Variants in MUL1 observed in about 807,000 individuals in gnomAD.
The protein encoded by MUL1 is mitochondrial E3 ubiquitin protein ligase 1.
Under a neutral mutation model 34.1 loss-of-function variants are expected in MUL1, and 30 were observed. The observed-to-expected ratio is 0.88, with a 90% CI of 0.66 to 1.19. The LOEUF is 1.19. MUL1 is among the 50% of genes most tolerant of loss of function. The pLI, the probability that MUL1 is intolerant of heterozygous loss-of-function variation, is 0.00. For synonymous variants in MUL1, 191 were observed against 187.8 expected (o/e 1.02, Z -0.14); for missense variants, 419 against 450.5 (o/e 0.93, Z 0.63).
Position 20,503,326 on chromosome 1 carries a change from AATT to A in MUL1, c.121-20_121-18del. 2 of 1,449,308 alleles carry A rather than the reference AATT, an allele frequency of 1.4e-6. No homozygotes were observed. The highest frequency in any genetic ancestry group is 1.9e-6 in the Non-Finnish European group (2 of 1,056,022). The allele number at this position is 1,449,308 out of a possible 1,614,324, so 89.8% of individuals were successfully genotyped here. On this transcript the variant is annotated intron_variant, in intron 1 of 3. Transcript: ENST00000264198. ...TTTAGCTCCCTAAATAAAAAAAAAA[AATT>A]AAATTAATTGGCCATTGAACACTGA...
In MUL1 at chr1:20,501,158, C is replaced by A. The variant is rs11541821; in HGVS notation, c.591G>T (p.Gly197=). ...TGTTGTCCAGGACCAGTTCGCCAAC[C>A]CCTGTGAGGGTGGCCCCCACCTTCA... is the stretch of plus-strand genomic sequence containing the variant. ...EMLKVGATLT[G]VGELVLDNNS... The change falls in exon 4 of 4, where the codon GGG becomes GGT. Residue 197 remains glycine (G), a synonymous_variant. Coordinates refer to ENST00000264198, the MANE Select transcript of MUL1 (RefSeq NM_024544.3). This position sits in a 1 kb window ranked among gnomAD's most constrained non-coding sequence, Gnocchi z 4.2. 3 of 1,614,078 alleles carry A rather than the reference C, an allele frequency of 1.9e-6. No individual in the cohort carries two copies. The highest frequency in any genetic ancestry group is 2.5e-6 in the Non-Finnish European group (3 of 1,179,964).
intron 2 of MUL1, 94 bp from the exon 3 acceptor site, chr1:20,502,283 T>C (rs1557515666): frequency 4.5e-6 from 7 of 1,540,794 alleles, no homozygotes; most frequent in Non-Finnish European, 4.4e-6. Flanking sequence ...GCACAGTAGG[T>C]CACACCTATA....
intron 2 of MUL1, among the ~76,000 whole-genome samples, chr1:20,502,708 A>G (rs1228411072): frequency 6.6e-6 from 1 of 151,994 alleles, no homozygotes; most frequent in Non-Finnish European, 1.5e-5. Flanking sequence ...TAATTTTTGT[A>G]TTTTTAGTAG....
chr1:20,505,221 C>A (rs986736654), intron 1 of MUL1, among the ~76,000 whole-genome samples: 4 of 152,266 alleles, frequency 2.6e-5, no homozygotes, highest in Non-Finnish European at 4.4e-5. Flanking sequence ...AATTTGCATT[C>A]TCCTCACTAT....
At position 20,499,511 on chromosome 1, in the gene MUL1, CCT is replaced by C. The variant is rs1013227293; in HGVS notation, c.*1177_*1178del. The C allele has an allele frequency of 6.6e-6, 1 of 152,220 alleles. No homozygotes were observed. The highest frequency in any genetic ancestry group is 2.4e-5 in the African/African-American group (1 of 41,448). 9.4% of individuals were successfully genotyped at this position (152,220 alleles called of 1,614,324 possible). On this transcript the variant is annotated 3_prime_UTR_variant, in exon 4 of 4. Coordinates refer to ENST00000264198, the MANE Select transcript of MUL1 (RefSeq NM_024544.3). ...ACACTGCATCATACTAGTGTCGGCC[CCT>C]GAGGGCACCCCTTCCTCGCCTGCAC...
chr1:20,503,780 T>C (rs1174237390), intron 1 of MUL1, among the ~76,000 whole-genome samples: 1 of 152,128 alleles, frequency 6.6e-6, no homozygotes, highest in Admixed American at 6.5e-5. Context: ...TACGAACCAA[T>C]GCTCTGCATT....
At position 20,507,079 on chromosome 1, in the gene MUL1, G is replaced by A. The variant is rs552154651; in HGVS notation, c.120+826C>T. Among the ~76,000 whole-genome samples the A allele has an allele frequency of 2.4e-3, 357 of 151,606 alleles. 2 individuals carry two copies. Among genetic ancestry groups the A allele is most frequent in the African/African-American group, 8.0e-3 (332 of 41,336 alleles). ...CCTGTGTCTACTAAAATACAAAAAAGTTAGCTGGGCGTGGTAATCCCAGCT... is the reference window on the plus strand; with the variant it reads ...CCTGTGTCTACTAAAATACAAAAAAATTAGCTGGGCGTGGTAATCCCAGCT... On this transcript the variant is annotated intron_variant, in intron 1 of 3. Coordinates refer to ENST00000264198, the MANE Select transcript of MUL1 (RefSeq NM_024544.3).
rs1239619169 is a variant in MUL1 at position 20,502,076 on chromosome 1, G to A, written c.322C>T (p.His108Tyr). 1.9e-6 allele frequency: 3 copies of A among 1,613,486 alleles called. No homozygotes were observed. In the Admixed American group the frequency reaches 5.0e-5, roughly 27 times the overall value. ...TGGAGAAGTGATACATACCAAAGGT[G>A]GGTGGTTCGATTCCACACCATCTTG... Reference protein sequence around the residue: ...EHKMVWNRTTHLWNDCSKIIH... With the variant: ...EHKMVWNRTTYLWNDCSKIIH... The change falls in exon 3 of 4, where the codon CAC (histidine) becomes TAC (tyrosine). Residue 108 changes from histidine (H) to tyrosine (Y), a missense_variant. Transcript: ENST00000264198.
In MUL1 at chr1:20,507,650, T is replaced by C. The variant is rs183860718; in HGVS notation, c.120+255A>G. 1.4e-4 allele frequency among the ~76,000 whole-genome samples: 21 copies of C among 152,348 alleles called. No homozygotes were observed. In the East Asian group the frequency reaches 4.1e-3, roughly 29 times the overall value. On this transcript the variant is annotated intron_variant, in intron 1 of 3. Transcript: ENST00000264198. ...GCATCGCAGGTGTTCAATAAATATT[T>C]TTCGAGTAAAGTAATGAAGTCAAGA...
chr1:20,499,764 A>C lies in MUL1; in HGVS notation c.*926T>G, dbSNP rs1465481224. On this transcript the variant is annotated 3_prime_UTR_variant, in exon 4 of 4. Transcript: ENST00000264198. ...TGTCAAAGCTGCGACGGGCTGGATG[A>C]GGGAGCCCCAAGAGGGCATATGCTC... 1 of 152,170 alleles carries C rather than the reference A, an allele frequency of 6.6e-6. No homozygotes were observed. The highest frequency in any genetic ancestry group is 2.4e-5 in the African/African-American group (1 of 41,430). 9.4% of individuals were successfully genotyped at this position (152,170 alleles called of 1,614,324 possible).
Position 20,500,669 on chromosome 1 carries a change from A to C in MUL1, c.*21T>G. On this transcript the variant is annotated 3_prime_UTR_variant, in exon 4 of 4. Transcript: ENST00000264198. ...AGGGGGCAGGGGTGCTTCCAGGTCAAGCTGTGCGGCTTCCAAACTATTAGC... is the reference window on the plus strand; with the variant it reads ...AGGGGGCAGGGGTGCTTCCAGGTCACGCTGTGCGGCTTCCAAACTATTAGC... 2 of 1,532,464 alleles carry C rather than the reference A, an allele frequency of 1.3e-6. No homozygotes were observed. Among genetic ancestry groups the C allele is most frequent in the Non-Finnish European group, 1.8e-6 (2 of 1,138,736 alleles). The allele number at this position is 1,532,464 out of a possible 1,614,324, so 94.9% of individuals were successfully genotyped here. A position where few individuals can be genotyped will look rare whatever the true frequency, so the allele number is the denominator to read the frequency against.
chr1:20,500,537 C>T lies in MUL1; in HGVS notation c.*153G>A, dbSNP rs765277245. 225 of 976,126 alleles carry T rather than the reference C, an allele frequency of 2.3e-4. No individual in the cohort carries two copies. The highest frequency in any genetic ancestry group is 3.0e-4 in the Non-Finnish European group (205 of 675,926). The allele number at this position is 976,126 out of a possible 1,614,324, so 60.5% of individuals were successfully genotyped here. ...AAAGGCAGCATCCTGCCATTGGAGG[C>T]ATGGGTCTGGAGAGTTTCTACCCAA... On this transcript the variant is annotated 3_prime_UTR_variant, in exon 4 of 4. Coordinates refer to ENST00000264198, the MANE Select transcript of MUL1 (RefSeq NM_024544.3).
chr1:20,500,843 A>G lies in MUL1; in HGVS notation c.906T>C (p.Cys302=). Residue 302 remains cysteine, a synonymous_variant, in exon 4 of 4, where the codon TGT becomes TGC. Coordinates refer to ENST00000264198, the MANE Select transcript of MUL1 (RefSeq NM_024544.3). ...PEDRESLKSA[C]VVCLSSFKSC... ...ACTTGAAGCTGCTCAGACACACTACACAGGCGCTCTTCAGACTCTCCCTGT... is the reference window on the plus strand; with the variant it reads ...ACTTGAAGCTGCTCAGACACACTACGCAGGCGCTCTTCAGACTCTCCCTGT... 1.2e-6 allele frequency: 2 copies of G among 1,614,154 alleles called. No homozygotes were observed. The highest frequency in any genetic ancestry group is 1.1e-5 in the South Asian group (1 of 91,076).
At chr1:20,504,437 G>A (rs1214145839) in intron 1 of MUL1, among the ~76,000 whole-genome samples, 1 of 152,142 alleles carries the variant, frequency 6.6e-6, no homozygotes, top group Non-Finnish European at 1.5e-5. Context: ...CTGCTTTCAG[G>A]GTATTCCCAA....
In MUL1 at chr1:20,502,098, C is replaced by T. The variant is rs1397903928; in HGVS notation, c.300G>A (p.Lys100=). 1.2e-6 allele frequency: 2 copies of T among 1,614,066 alleles called. No individual in the cohort carries two copies. Among genetic ancestry groups the T allele is most frequent in the South Asian group, 1.1e-5 (1 of 91,070 alleles). The change falls in exon 3 of 4, where the codon AAG becomes AAA. Residue 100 remains lysine, a synonymous_variant. Coordinates refer to ENST00000264198, the MANE Select transcript of MUL1 (RefSeq NM_024544.3). The stretch of plus-strand genomic sequence containing the variant: ...GGTGGGTGGTTCGATTCCACACCAT[C>T]TTGTGCTCCTGAAGTGTCAGCCGCT... ...VIQRLTLQEH[K]MVWNRTTHLW...
In MUL1 at chr1:20,500,684, A is replaced by G; in HGVS notation, c.*6T>C. ...TTCCAGGTCAAGCTGTGCGGCTTCC[A>G]AACTATTAGCTGTTGTACAGGGGTA... On this transcript the variant is annotated 3_prime_UTR_variant, in exon 4 of 4. Transcript: ENST00000264198. 1 of 1,545,398 alleles carries G rather than the reference A, an allele frequency of 6.5e-7. No individual in the cohort carries two copies. Among genetic ancestry groups the G allele is most frequent in the Non-Finnish European group, 8.7e-7 (1 of 1,144,132 alleles).
Position 20,501,101 on chromosome 1 carries a change from G to A in MUL1, c.648C>T (p.Gly216=). The A allele has an allele frequency of 1.9e-6, 3 of 1,614,152 alleles. No individual in the cohort carries two copies. Among genetic ancestry groups the A allele is most frequent in the South Asian group, 1.1e-5 (1 of 91,090 alleles). ...CCTGGCTGCTTAGATAGTACTGCAT[G>A]CCTTGTTTGGGCGGCTGCAGGCGGA... is the stretch of plus-strand genomic sequence containing the variant. ...NSVRLQPPKQ[G]MQYYLSSQDF... The change falls in exon 4 of 4, where the codon GGC becomes GGT. Residue 216 remains glycine (G), a synonymous_variant. Transcript: ENST00000264198. The surrounding 1 kb of genome is among the most constrained non-coding windows in gnomAD (Gnocchi z 4.2).
intron 1 of MUL1, among the ~76,000 whole-genome samples, chr1:20,507,026 G>A (rs906042137): frequency 6.6e-6 from 1 of 152,120 alleles, no homozygotes; most frequent in African/African-American, 2.4e-5. Context: ...TCAGGAGCTG[G>A]AGACCAGCCT....
At chr1:20,502,296 C>T in intron 2 of MUL1, 107 bp from the exon 3 acceptor site, 1 of 1,481,864 alleles carries the variant, frequency 6.7e-7, no homozygotes, top group Non-Finnish European at 9.2e-7. Flanking sequence ...CACCTATAAT[C>T]CCAACACTTT....
Sources: gnomAD v4.1 joint callset for allele counts (sites outside exome capture counted in the v4.1 genomes callset) on GRCh38, gnomAD v4.1.1 for gene constraint, Gnocchi (gnomAD v3.1) non-coding constraint, MANE v1.5 for transcripts, NCBI Gene and HGNC (gene_info 2026-07-23, HGNC 2026-07-21) for gene names.